Variants in PDE8B observed in about 807,000 individuals in gnomAD.
PDE8B encodes high affinity cAMP-specific and IBMX-insensitive 3',5'-cyclic phosphodiesterase 8B.
Under a neutral mutation model 101.3 loss-of-function variants are expected in PDE8B, and 26 were observed. That is an observed-to-expected ratio of 0.26 (90% CI 0.19 to 0.36). The LOEUF (loss-of-function observed/expected upper bound fraction) is 0.36, where lower values mean the gene tolerates loss of function less well. Among genes scored for constraint, PDE8B ranks in the 10% least tolerant of loss-of-function variants. The probability of loss-of-function intolerance (pLI) is 1.00; values close to 1 mark genes in which losing one functional copy is unlikely to be tolerated. For missense variants in PDE8B, 810 were observed against 1,163.1 expected (o/e 0.70, Z 4.42); for synonymous variants, 424 against 429.3 (o/e 0.99, Z 0.15).
At chr5:77,266,023 T>C (rs1306215378) in intron 1 of PDE8B, among the ~76,000 whole-genome samples, 1 of 152,204 alleles carries the variant, frequency 6.6e-6, no homozygotes, top group African/African-American at 2.4e-5. Context: ...AAAAAAGGGG[T>C]GCTCACCCTA....
At chr5:77,288,764 A>C (rs1176166842) in intron 1 of PDE8B, among the ~76,000 whole-genome samples, 3 of 150,942 alleles carry the variant, frequency 2.0e-5, no homozygotes, top group African/African-American at 7.3e-5. Context: ...CCACACAGCG[A>C]GGTAATATGT....
chr5:77,239,196 A>G (rs1375666819), intron 1 of PDE8B, among the ~76,000 whole-genome samples: 1 of 152,222 alleles, frequency 6.6e-6, no homozygotes, highest in Non-Finnish European at 1.5e-5. Flanking sequence ...GAATCTTGAT[A>G]TTTCCGTTTT....
chr5:77,143,859 A>ATTTTTTTTTTTTTTTTTTTTTTTT, the PDE8B span: 4 of 115,184 alleles, frequency 3.5e-5, no homozygotes, highest in Non-Finnish European at 5.3e-5. Flanking sequence ...TTCTTGAGGG[A>ATTTTTTTTTTTTTTTTTTTTTTTT]TTTTTTTTTT....
intron 1 of PDE8B, among the ~76,000 whole-genome samples, chr5:77,253,397 T>C (rs1347387377): frequency 6.6e-6 from 1 of 152,190 alleles, no homozygotes; most frequent in Admixed American, 6.5e-5. Context: ...AGTTTTCCCC[T>C]TTCACATCTT....
chr5:77,216,412 C>T (rs986135497), intron 1 of PDE8B, among the ~76,000 whole-genome samples: 13 of 152,048 alleles, frequency 8.5e-5, no homozygotes, highest in South Asian at 8.3e-4. Flanking sequence ...TGGTGGCAGA[C>T]GAGAGAATGA....
chr5:77,405,304 C>T (rs562447961), intron 12 of PDE8B, among the ~76,000 whole-genome samples: 1 of 152,324 alleles, frequency 6.6e-6, no homozygotes, highest in African/African-American at 2.4e-5. Context: ...CCTAAGTAAA[C>T]AACTGGATTT....
At chr5:77,175,241 C>T in the PDE8B span, among the ~76,000 whole-genome samples, 2 of 152,198 alleles carry the variant, frequency 1.3e-5, no homozygotes, top group Non-Finnish European at 2.9e-5. Flanking sequence ...AGTTTCCACC[C>T]TTCATCCCTA....
chr5:77,125,227 C>T, the PDE8B span, among the ~76,000 whole-genome samples: 1 of 152,130 alleles, frequency 6.6e-6, no homozygotes, highest in Non-Finnish European at 1.5e-5. Context: ...GTCTCAAACT[C>T]CTGGCCTCAA....
At chr5:77,173,788 T>C in the PDE8B span, among the ~76,000 whole-genome samples, 1 of 152,068 alleles carries the variant, frequency 6.6e-6, no homozygotes, top group Non-Finnish European at 1.5e-5. Flanking sequence ...CTAGAAAGTG[T>C]AGCGGAGTTA....
At chr5:77,410,355 T>TAACAACC (rs1253769363) in intron 14 of PDE8B, 1 of 152,258 alleles carries the variant, frequency 6.6e-6, no homozygotes, top group Non-Finnish European at 1.5e-5. Context: ...ATGAGGGTGG[T>TAACAACC]AACTTCTGGG....
At position 77,325,695 on chromosome 5, in the gene PDE8B, C is replaced by G. The variant is rs746288990; in HGVS notation, c.556C>G (p.Gln186Glu). Residue 186 changes from glutamine (Q) to glutamate (E), a missense_variant, in exon 3 of 22, where the codon CAA becomes GAA. Around this residue, in one of 4 missense-constraint regions of PDE8B, gnomAD observed 251 missense variants for 378.8 expected, o/e 0.66. Coordinates refer to ENST00000264917, the MANE Select transcript of PDE8B (RefSeq NM_003719.5). ...HHEIIVIDHR[Q>E]TQNFDAEAVC... ...TGAAATTATTGTAATTGATCATAGA[C>G]AAACTCAGAACTTCGATGCAGAAGC... The G allele has an allele frequency of 1.6e-5, 26 of 1,613,466 alleles. No homozygotes were observed. Among genetic ancestry groups the G allele is most frequent in the African/African-American group, 1.3e-4 (10 of 74,912 alleles).
intron 2 of PDE8B, among the ~76,000 whole-genome samples, chr5:77,323,990 T>C (rs1056869880): frequency 7.9e-5 from 12 of 152,060 alleles, no homozygotes; most frequent in African/African-American, 2.9e-4. Context: ...AAAAAGTATT[T>C]TTCAAATGTA....
intron 1 of PDE8B, among the ~76,000 whole-genome samples, chr5:77,236,147 A>AC (rs1178177347): frequency 6.6e-6 from 1 of 152,206 alleles, no homozygotes; most frequent in Admixed American, 6.5e-5. Flanking sequence ...GAGGAGGAAT[A>AC]CCCCAGACAG....
intron 1 of PDE8B, among the ~76,000 whole-genome samples, chr5:77,309,218 G>A (rs1771965263): frequency 7.2e-6 from 1 of 138,970 alleles, no homozygotes; most frequent in African/African-American, 2.6e-5. Flanking sequence ...GGAAGGAAGG[G>A]AGGGAGGGAG....
intron 1 of PDE8B, among the ~76,000 whole-genome samples, chr5:77,310,002 C>G (rs192825750): frequency 8.7e-6 from 1 of 115,050 alleles, no homozygotes; most frequent in East Asian, 3.0e-4. Context: ...CAGGCTGGAG[C>G]GCAATGGCAC....
intron 1 of PDE8B, among the ~76,000 whole-genome samples, chr5:77,275,948 A>G (rs910469427): frequency 6.6e-6 from 1 of 152,256 alleles, no homozygotes; most frequent in African/African-American, 2.4e-5. Context: ...GCTCTGAACT[A>G]AAGCAAGTAG....
At chr5:77,216,252 G>A (rs1749681773) in intron 1 of PDE8B, among the ~76,000 whole-genome samples, 1 of 152,210 alleles carries the variant, frequency 6.6e-6, no homozygotes, top group Admixed American at 6.5e-5. Flanking sequence ...GTCAAGGGGA[G>A]GGGATGTGTA....
At chr5:77,381,015 T>A (rs1787343022) in intron 10 of PDE8B, among the ~76,000 whole-genome samples, 1 of 151,636 alleles carries the variant, frequency 6.6e-6, no homozygotes, top group Non-Finnish European at 1.5e-5. Context: ...ACAAGAGGGA[T>A]GGAAAGGAAG....
chr5:77,189,537 A>G, the PDE8B span, among the ~76,000 whole-genome samples: 2 of 152,302 alleles, frequency 1.3e-5, no homozygotes, highest in Admixed American at 1.3e-4. Context: ...GCCTGAAGGA[A>G]GTGGGGAGTG....
Sources: gnomAD v4.1 joint callset for allele counts (sites outside exome capture counted in the v4.1 genomes callset) on GRCh38, gnomAD v4.1.1 for gene constraint, gnomAD v4.1.1 regional missense constraint, MANE v1.5 for transcripts, NCBI Gene and HGNC (gene_info 2026-07-23, HGNC 2026-07-21) for gene names.